Variants in DAB1 observed in about 807,000 individuals in gnomAD.
DAB1 encodes disabled homolog 1.
Under a neutral mutation model 64.6 loss-of-function variants are expected in DAB1, and 15 were observed. The ratio of observed to expected loss-of-function variants is 0.23; its 90% CI spans 0.16 to 0.36. The LOEUF (loss-of-function observed/expected upper bound fraction) is 0.36. DAB1 is among the 10% of genes least tolerant of loss of function. DAB1 has a pLI of 1.00. For synonymous variants in DAB1, 235 were observed against 251.9 expected (o/e 0.93, Z 0.64); for missense variants, 596 against 706.7 (o/e 0.84, Z 1.78).
chr1:58,531,124 C>T (rs1041507487), intron 1 of DAB1, among the ~76,000 whole-genome samples: 4 of 152,078 alleles, frequency 2.6e-5, no homozygotes, highest in African/African-American at 9.7e-5. Context: ...AAATCAAACC[C>T]GGTCAGTTTT....
chr1:58,373,688 A>G (rs562146844), intron 3 of DAB1, among the ~76,000 whole-genome samples: 1 of 152,156 alleles, frequency 6.6e-6, no homozygotes, highest in Non-Finnish European at 1.5e-5. Flanking sequence ...ATTTGGGTAT[A>G]TACCCAGTAA....
chr1:58,376,725 G>T (rs1392243060), intron 3 of DAB1, among the ~76,000 whole-genome samples: 1 of 125,668 alleles, frequency 8.0e-6, no homozygotes, highest in Non-Finnish European at 1.7e-5. Flanking sequence ...TTCAATTCCT[G>T]GGTATCCTTG....
At chr1:57,613,531 C>T (rs764789709) in intron 7 of DAB1, among the ~76,000 whole-genome samples, 1 of 152,178 alleles carries the variant, frequency 6.6e-6, no homozygotes, top group Admixed American at 6.5e-5. Context: ...AATTTATGTA[C>T]TCAGAGCTGT....
chr1:57,334,887 A>G (rs1676956476), intron 1 of DAB1, among the ~76,000 whole-genome samples: 1 of 152,172 alleles, frequency 6.6e-6, no homozygotes, highest in African/African-American at 2.4e-5. Flanking sequence ...AAGTTAAAGA[A>G]CATTGTTGTC....
intron 7 of DAB1, among the ~76,000 whole-genome samples, chr1:57,448,456 T>G (rs1420815966): frequency 6.6e-6 from 1 of 152,200 alleles, no homozygotes; most frequent in African/African-American, 2.4e-5. Flanking sequence ...GAAAAAACCC[T>G]TCAGCAATTT....
intron 3 of DAB1, among the ~76,000 whole-genome samples, chr1:57,140,683 G>T (rs1368554662): frequency 6.6e-6 from 1 of 152,128 alleles, no homozygotes; most frequent in African/African-American, 2.4e-5. Flanking sequence ...TGCATCTACT[G>T]CACTTCGCAC....
At position 57,934,063 on chromosome 1, in the gene DAB1, T is replaced by TTGTGTGTGTGTGTGTG. The variant is rs55848780; in HGVS notation, n.388-49917_388-49902dup. Reference sequence around the variant, plus strand: ...GGCGTCCGCCACCAAGCCCAGCTAATTGTGTGTGTGTGTGTGTGTGTGTGT... The same window carrying TTGTGTGTGTGTGTGTG: ...GGCGTCCGCCACCAAGCCCAGCTAATTGTGTGTGTGTGTGTGTGTGTGTGTGTGTGTGTGTGTGTGT... On this transcript the variant is annotated intron_variant and non_coding_transcript_variant, in intron 5 of 20. Coordinates refer to the DAB1 transcript ENST00000485760. Among the ~76,000 whole-genome samples the TTGTGTGTGTGTGTGTG allele has an allele frequency of 9.4e-3, 1,205 of 128,068 alleles. 25 individuals carry two copies. Among genetic ancestry groups the TTGTGTGTGTGTGTGTG allele is most frequent in the African/African-American group, 0.014 (476 of 33,128 alleles). 84.0% of individuals were successfully genotyped at this position (128,068 alleles called of 152,430 possible). A position where few individuals can be genotyped will look rare whatever the true frequency, so the allele number is the denominator to read the frequency against.
At chr1:58,056,095 G>A (rs1648057526) in intron 5 of DAB1, 3 of 938,964 alleles carry the variant, frequency 3.2e-6, no homozygotes, top group African/African-American at 1.7e-5. Context: ...TTTTTCTCCA[G>A]AGAATAGCCT....
chr1:58,166,279 G>A (rs1025471162), intron 4 of DAB1, among the ~76,000 whole-genome samples: 1 of 151,856 alleles, frequency 6.6e-6, no homozygotes, highest in African/African-American at 2.4e-5. Context: ...GAACATTATC[G>A]CCACCCCAAA....
chr1:58,144,149 A>G (rs1654461938), intron 5 of DAB1, among the ~76,000 whole-genome samples: 1 of 152,220 alleles, frequency 6.6e-6, no homozygotes, highest in African/African-American at 2.4e-5. Flanking sequence ...GTAAAATGAA[A>G]TTACACAGCT....
chr1:57,305,699 G>A (rs1674077555), intron 1 of DAB1, among the ~76,000 whole-genome samples: 1 of 152,202 alleles, frequency 6.6e-6, no homozygotes. Flanking sequence ...GCCAGGCGCA[G>A]TGGCTCACAC....
At position 57,053,687 on chromosome 1, in the gene DAB1, T is replaced by C. The variant is rs866347514; in HGVS notation, c.723+9197A>G. On this transcript the variant is annotated intron_variant, in intron 9 of 14. Transcript: ENST00000371236. The stretch of plus-strand genomic sequence containing the variant: ...ATATGTATATATATATATATATATA[T>C]ATTTTTTTTTTTTTTTTTGAGACGG... Among the ~76,000 whole-genome samples the C allele has an allele frequency of 3.9e-4, 36 of 93,216 alleles. No individual in the cohort carries two copies. In the South Asian group the frequency reaches 0.012, roughly 32 times the overall value. The allele number at this position is 93,216 out of a possible 152,430, so 61.2% of individuals were successfully genotyped here. A position where few individuals can be genotyped will look rare whatever the true frequency, so the allele number is the denominator to read the frequency against.
At chr1:57,074,363 A>G (rs1651792564) in intron 4 of DAB1, among the ~76,000 whole-genome samples, 1 of 152,168 alleles carries the variant, frequency 6.6e-6, no homozygotes, top group Non-Finnish European at 1.5e-5. Flanking sequence ...TTATGAAAAC[A>G]TTGGGAACCA....
chr1:58,431,053 A>G (rs1203904640), intron 3 of DAB1, among the ~76,000 whole-genome samples: 1 of 152,178 alleles, frequency 6.6e-6, no homozygotes, highest in African/African-American at 2.4e-5. Context: ...AGAATCATTA[A>G]TTTGGCTTTT....
chr1:58,124,735 T>C (rs1652961052), intron 5 of DAB1, among the ~76,000 whole-genome samples: 3 of 152,214 alleles, frequency 2.0e-5, no homozygotes, highest in Admixed American at 2.0e-4. Context: ...TGTGTGTGCT[T>C]AGGCCAGTGT....
chr1:57,402,913 A>G lies in DAB1; in HGVS notation c.-137+21017T>C, dbSNP rs1171239261. On this transcript the variant is annotated intron_variant, in intron 1 of 14. Coordinates refer to ENST00000371236, the MANE Select transcript of DAB1 (RefSeq NM_001365792.1). ...GAATTAGATTGAATTCACAGGACAG[A>G]AAATCCAGCTCCCCTCACCCCCAAC... 2.0e-5 allele frequency among the ~76,000 whole-genome samples: 3 copies of G among 152,196 alleles called. No individual in the cohort carries two copies. The East Asian group carries it at 5.8e-4, about 29-fold the overall frequency.
chr1:58,004,148 C>T (rs1173850205), intron 5 of DAB1, among the ~76,000 whole-genome samples: 5 of 152,190 alleles, frequency 3.3e-5, no homozygotes, highest in Non-Finnish European at 1.5e-5. Flanking sequence ...CAGAGTGAGT[C>T]ACAGTTTTCT....
chr1:57,493,333 CTG>C (rs1188839108), intron 7 of DAB1, among the ~76,000 whole-genome samples: 2 of 152,130 alleles, frequency 1.3e-5, no homozygotes, highest in East Asian at 3.9e-4. Flanking sequence ...ATTCTACTTT[CTG>C]TCTCTCTAAA....
At chr1:58,463,524 T>C (rs984773213) in intron 3 of DAB1, among the ~76,000 whole-genome samples, 1 of 152,222 alleles carries the variant, frequency 6.6e-6, no homozygotes, top group Non-Finnish European at 1.5e-5. Flanking sequence ...TCAAGGCATA[T>C]GGTGTTTGCA....
Sources: allele counts gnomAD v4.1 joint callset (sites outside exome capture counted in the v4.1 genomes callset), GRCh38; gene constraint gnomAD v4.1.1; transcripts MANE v1.5; gene names NCBI Gene and HGNC (gene_info 2026-07-23, HGNC 2026-07-21).